SMC5: variants seen among roughly 807,000 people sequenced by gnomAD.
The protein encoded by SMC5 is structural maintenance of chromosomes 5.
Under a neutral mutation model 148.3 loss-of-function variants are expected in SMC5, and 88 were observed. That is an observed-to-expected ratio of 0.59 (90% confidence interval 0.50 to 0.71). SMC5 has a LOEUF of 0.71. Ranked by LOEUF, SMC5 falls within the 30% of genes least tolerant of loss-of-function variation. The pLI, the probability that SMC5 is intolerant of heterozygous loss-of-function variation, is 0.00. For synonymous variants in SMC5, 421 were observed against 432.8 expected, an observed-to-expected ratio of 0.97 and a Z score of 0.34; for missense variants, 1,142 against 1,298.9, an observed-to-expected ratio of 0.88 and a Z score of 1.86.
chr9:70,274,112 C>T (rs748283984), intron 3 of SMC5, among the ~76,000 whole-genome samples: 1 of 152,170 alleles, frequency 6.6e-6, no homozygotes, highest in African/African-American at 2.4e-5. Context: ...TTTATCTTCT[C>T]GCTTAGTCGC....
At position 70,277,319 on chromosome 9, in the gene SMC5, T is replaced by C; in HGVS notation, c.390T>C (p.Ala130=). 1.3e-6 allele frequency: 2 copies of C among 1,560,654 alleles called. No individual in the cohort carries two copies. The highest frequency in any genetic ancestry group is 2.4e-5 in the East Asian group (1 of 42,402). The change falls in exon 4 of 25, where the codon GCT becomes GCC. Residue 130 remains alanine, a synonymous_variant. Coordinates refer to ENST00000361138, the MANE Select transcript of SMC5 (RefSeq NM_015110.4). ...ATTATTTTTTAATTAGGTTCAGGGC[T>C]TCTGGAAATCTTGTAATCACCCGTG... ...RGMVEIELFR[A]SGNLVITREI... is the part of the protein sequence containing the mutation.
At chr9:70,337,460 T>C (rs1446608036) in intron 17 of SMC5, among the ~76,000 whole-genome samples, 1 of 41,504 alleles carries the variant, frequency 2.4e-5, no homozygotes, top group East Asian at 7.6e-4. Context: ...GTTTTTTTTT[T>C]TTTTTTTTTT....
At position 70,350,312 on chromosome 9, in the gene SMC5, T is replaced by TA. The variant is rs755318990; in HGVS notation, c.3069+20dup. 1.9e-6 allele frequency: 3 copies of TA among 1,611,592 alleles called. No homozygotes were observed. The African/African-American group carries it at 4.0e-5, about 22-fold the overall frequency. On this transcript the variant is annotated intron_variant, in intron 23 of 24. Coordinates refer to ENST00000361138, the MANE Select transcript of SMC5 (RefSeq NM_015110.4). ...CAATCAGGTATGGTGATTGTTCTGT[T>TA]ACTTGGATCTTCTTATATCCTGTAA...
chr9:70,279,378 G>A (rs1001413757), intron 5 of SMC5, among the ~76,000 whole-genome samples: 1 of 152,100 alleles, frequency 6.6e-6, no homozygotes, highest in Non-Finnish European at 1.5e-5. Context: ...AAGTTAGCCA[G>A]GCATGGTGGC....
intron 4 of SMC5, among the ~76,000 whole-genome samples, chr9:70,277,937 G>A (rs2034637158): frequency 6.6e-6 from 1 of 151,880 alleles, no homozygotes; most frequent in Non-Finnish European, 1.5e-5. Context: ...AAATGTTAAA[G>A]TCATATTACC....
At chr9:70,278,688 G>A (rs1397572042) in intron 5 of SMC5, 63 bp downstream of exon 5, 2 of 1,487,872 alleles carry the variant, frequency 1.3e-6, no homozygotes, top group African/African-American at 2.8e-5. Flanking sequence ...CAGAACATGG[G>A]AGAGAGAGTA....
rs186888015 is a variant in SMC5, at chr9:70,303,428, G to A, written c.1465-1819G>A. On this transcript the variant is annotated intron_variant, in intron 10 of 24. Transcript: ENST00000361138. ...TATTTGTATCATTTCTTCCAATAAA[G>A]TAATTTAGTACCTCCCCCCTCAAAT... 3.8e-3 allele frequency among the ~76,000 whole-genome samples: 574 copies of A among 152,172 alleles called. 2 individuals carry two copies. The highest frequency in any genetic ancestry group is 0.013 in the African/African-American group (548 of 41,518).
chr9:70,301,353 A>G (rs368415151), intron 10 of SMC5, among the ~76,000 whole-genome samples: 2 of 152,134 alleles, frequency 1.3e-5, no homozygotes, highest in South Asian at 4.1e-4. Context: ...ATATATTTCC[A>G]TTTTAAATTG....
intron 15 of SMC5, among the ~76,000 whole-genome samples, chr9:70,321,933 ATAGAC>A (rs2035958071): frequency 6.6e-6 from 1 of 152,182 alleles, no homozygotes; most frequent in Non-Finnish European, 1.5e-5. Flanking sequence ...CTTCTCGTCT[ATAGAC>A]TAAAGATAGA....
chr9:70,295,861 G>C (rs1009630664), intron 8 of SMC5, among the ~76,000 whole-genome samples: 1 of 152,040 alleles, frequency 6.6e-6, no homozygotes, highest in Admixed American at 6.5e-5. Context: ...ATTCTGTATC[G>C]TCTTTAGTGT....
intron 11 of SMC5, among the ~76,000 whole-genome samples, chr9:70,313,172 A>T (rs538143820): frequency 6.6e-6 from 1 of 152,240 alleles, no homozygotes; most frequent in East Asian, 1.9e-4. Flanking sequence ...TGTTTTTGGC[A>T]TGAAGTTTTT....
intron 11 of SMC5, among the ~76,000 whole-genome samples, chr9:70,314,215 G>A (rs2035735310): frequency 6.6e-6 from 1 of 152,122 alleles, no homozygotes; most frequent in Non-Finnish European, 1.5e-5. Context: ...AAAGACTGCA[G>A]CTTTCTACCA....
intron 17 of SMC5, among the ~76,000 whole-genome samples, chr9:70,343,192 C>A (rs984942819): frequency 6.7e-6 from 1 of 149,690 alleles, no homozygotes; most frequent in Non-Finnish European, 1.5e-5. Context: ...TATTACTGTG[C>A]AGTGTTTGTG....
chr9:70,339,168 G>A (rs534386861), intron 17 of SMC5, among the ~76,000 whole-genome samples: 1 of 152,090 alleles, frequency 6.6e-6, no homozygotes, highest in Non-Finnish European at 1.5e-5. Flanking sequence ...GGTGGCTCAC[G>A]CCTGTAATCC....
chr9:70,262,550 AC>A (rs1003563084), intron 1 of SMC5, among the ~76,000 whole-genome samples: 7 of 152,238 alleles, frequency 4.6e-5, no homozygotes, highest in Admixed American at 2.0e-4. Flanking sequence ...AATACCATTC[AC>A]TAAGAGACCA....
intron 8 of SMC5, among the ~76,000 whole-genome samples, chr9:70,291,869 A>G (rs901609512): frequency 2.6e-5 from 4 of 152,094 alleles, no homozygotes; most frequent in African/African-American, 9.7e-5. Flanking sequence ...CCATTATAAA[A>G]GAGCTCCAAA....
chr9:70,332,941 T>C (rs1278337773), intron 17 of SMC5, among the ~76,000 whole-genome samples: 1 of 152,160 alleles, frequency 6.6e-6, no homozygotes, highest in Non-Finnish European at 1.5e-5. Context: ...ATCATTCTGA[T>C]AAAGGATATC....
At chr9:70,318,187 C>T (rs1037236884) in intron 13 of SMC5, among the ~76,000 whole-genome samples, 3 of 152,020 alleles carry the variant, frequency 2.0e-5, no homozygotes, top group African/African-American at 4.8e-5. Context: ...TCAAGACCAG[C>T]GCCCCCATAG....
chr9:70,338,534 T>A (rs963338763), intron 17 of SMC5, among the ~76,000 whole-genome samples: 2 of 152,076 alleles, frequency 1.3e-5, no homozygotes, highest in African/African-American at 4.8e-5. Flanking sequence ...AAAAAAAAAA[T>A]TGTGCTGATT....
Sources: allele counts gnomAD v4.1 joint callset (sites outside exome capture counted in the v4.1 genomes callset), GRCh38; gene constraint gnomAD v4.1.1; transcripts MANE v1.5; gene names NCBI Gene and HGNC (gene_info 2026-07-23, HGNC 2026-07-21).